The following PCMT1 variants were observed in gnomAD, a reference collection of about 807,000 sequenced individuals.
The protein encoded by PCMT1 is protein-L-isoaspartate (D-aspartate) O-methyltransferase, also known as protein-L-isoaspartate(D-aspartate) O-methyltransferase.
PCMT1 carries 9 observed loss-of-function variants against 29.2 expected under a neutral mutation model. The ratio of observed to expected loss-of-function variants is 0.31; its 90% confidence interval spans 0.19 to 0.54. PCMT1 has a LOEUF of 0.54. Among genes scored for constraint, PCMT1 ranks in the 20% least tolerant of loss-of-function variants. PCMT1 has a pLI of 0.95. For synonymous variants in PCMT1, 98 were observed against 97.5 expected, an observed-to-expected ratio of 1.00 and a Z score of -0.03; for missense variants, 184 against 282.2, an observed-to-expected ratio of 0.65 and a Z score of 2.49.
chr6:149,794,117 T>C (rs1356827258), intron 5 of PCMT1, among the ~76,000 whole-genome samples: 2 of 152,210 alleles, frequency 1.3e-5, no homozygotes, highest in African/African-American at 4.8e-5. Flanking sequence ...TTTTCAGTGC[T>C]TTCTGTGTCC....
intron 1 of PCMT1, among the ~76,000 whole-genome samples, chr6:149,751,620 T>A (rs1380312026): frequency 6.6e-6 from 1 of 151,550 alleles, no homozygotes; most frequent in Non-Finnish European, 1.5e-5. Context: ...TGGCTGGGAC[T>A]ACAGGCGCCT....
At chr6:149,808,873 T>C (rs935488754) in intron 7 of PCMT1, among the ~76,000 whole-genome samples, 4 of 151,742 alleles carry the variant, frequency 2.6e-5, no homozygotes, top group African/African-American at 7.3e-5. Flanking sequence ...CCTGACCTCA[T>C]GATCCGCCCG....
intron 1 of PCMT1, among the ~76,000 whole-genome samples, chr6:149,766,446 T>C (rs180915547): frequency 2.0e-5 from 3 of 152,204 alleles, no homozygotes; most frequent in Non-Finnish European, 4.4e-5. Context: ...ATTCACCAGT[T>C]GTAAGAATAC....
At chr6:149,764,701 C>G (rs763020607) in intron 1 of PCMT1, among the ~76,000 whole-genome samples, 43 of 152,102 alleles carry the variant, frequency 2.8e-4, no homozygotes, top group Admixed American at 1.5e-3. Flanking sequence ...GATGGTGCCA[C>G]TGCACTCCAG....
intron 2 of PCMT1, 129 bp downstream of exon 2, chr6:149,771,395 A>T: frequency 1.9e-6 from 1 of 521,216 alleles, no homozygotes; most frequent in South Asian, 3.4e-5. Context: ...ATGACTCAGC[A>T]AGTTTCATAA....
At position 149,762,655 on chromosome 6, in the gene PCMT1, G is replaced by GAT. The variant is rs1341811077; in HGVS notation, c.56-8498_56-8497dup. 9.1e-4 allele frequency among the ~76,000 whole-genome samples: 4 copies of GAT among 4,378 alleles called. 1 individual carries two copies. Among genetic ancestry groups the GAT allele is most frequent in the Non-Finnish European group, 1.2e-3 (4 of 3,458 alleles). The allele number at this position is 4,378 out of a possible 152,430, so 2.9% of individuals were successfully genotyped here. ...ATATATATATCTATGATATATATAT[G>GAT]ATATATATATCTATGATATATATAT... is the stretch of plus-strand genomic sequence containing the variant. On this transcript the variant is annotated intron_variant, in intron 1 of 7. Coordinates refer to ENST00000464889, the MANE Select transcript of PCMT1 (RefSeq NM_001360452.2).
At chr6:149,789,538 A>G (rs1011846153) in intron 3 of PCMT1, among the ~76,000 whole-genome samples, 7 of 152,144 alleles carry the variant, frequency 4.6e-5, no homozygotes, top group Non-Finnish European at 1.0e-4. Flanking sequence ...AAAATACAAA[A>G]TTAGCCTTTG....
intron 7 of PCMT1, among the ~76,000 whole-genome samples, chr6:149,805,580 C>T (rs762800747): frequency 1.7e-4 from 26 of 151,450 alleles, no homozygotes; most frequent in Admixed American, 4.6e-4. Context: ...GGCAACAGAG[C>T]GAGACTCCGT....
At chr6:149,808,013 A>C (rs1158320006) in intron 7 of PCMT1, among the ~76,000 whole-genome samples, 1 of 152,196 alleles carries the variant, frequency 6.6e-6, no homozygotes, top group Non-Finnish European at 1.5e-5. Context: ...GCTTCGTACA[A>C]AGCAAATTGT....
intron 7 of PCMT1, among the ~76,000 whole-genome samples, chr6:149,804,763 A>G (rs1430294759): frequency 6.6e-6 from 1 of 151,902 alleles, no homozygotes; most frequent in Non-Finnish European, 1.5e-5. Context: ...CGGCCTCCCA[A>G]AGTGCTAGGA....
chr6:149,806,163 G>A (rs1776008827), intron 7 of PCMT1, among the ~76,000 whole-genome samples: 1 of 152,116 alleles, frequency 6.6e-6, no homozygotes, highest in African/African-American at 2.4e-5. Context: ...ACTGTACTAG[G>A]TGCCAGGAGT....
intron 3 of PCMT1, among the ~76,000 whole-genome samples, chr6:149,788,144 C>T (rs761298254): frequency 4.6e-5 from 7 of 152,088 alleles, no homozygotes; most frequent in Non-Finnish European, 1.0e-4. Context: ...GTCTCGATCT[C>T]CTGACCTCGT....
chr6:149,790,025 A>G lies in PCMT1; in HGVS notation c.264A>G (p.Gly88=). 1 of 1,611,642 alleles carries G rather than the reference A, an allele frequency of 6.2e-7. No homozygotes were observed. The highest frequency in any genetic ancestry group is 8.5e-7 in the Non-Finnish European group (1 of 1,178,606). ...EGAKALDVGS[G]SGILTACFAR... ...CTAAAGCTCTTGATGTAGGATCTGG[A>G]AGTGGAATCCTTACTGCATGTTTTG... is the stretch of plus-strand genomic sequence containing the variant. Residue 88 remains glycine (G), a synonymous_variant, in exon 4 of 8, where the codon GGA becomes GGG. Coordinates refer to ENST00000464889, the MANE Select transcript of PCMT1 (RefSeq NM_001360452.2).
rs867088246 is a variant in PCMT1 at position 149,783,370 on chromosome 6, A to G, written c.193-6584A>G. On this transcript the variant is annotated intron_variant, in intron 3 of 7. Transcript: ENST00000464889. ...CTGGTCTCGAACTCTTGACCTCGTG[A>G]TCTGCCCACCTCAGCCTCCCAAAGT... 2.0e-5 allele frequency among the ~76,000 whole-genome samples: 3 copies of G among 152,220 alleles called. 1 individual carries two copies. The South Asian group carries it at 6.2e-4, about 32-fold the overall frequency.
intron 1 of PCMT1, among the ~76,000 whole-genome samples, 188 bp from the exon 2 acceptor site, chr6:149,770,973 TG>T (rs1208983278): frequency 6.6e-6 from 1 of 151,686 alleles, no homozygotes; most frequent in Non-Finnish European, 1.5e-5. Context: ...CACTCCAGCC[TG>T]GGCGACAGAG....
intron 3 of PCMT1, among the ~76,000 whole-genome samples, chr6:149,781,887 A>T (rs1562411361): frequency 6.6e-6 from 1 of 152,094 alleles, no homozygotes; most frequent in Non-Finnish European, 1.5e-5. Context: ...TTCAATAACA[A>T]TTTCCCACTT....
chr6:149,755,252 A>G (rs773842271), intron 1 of PCMT1, among the ~76,000 whole-genome samples: 8 of 152,126 alleles, frequency 5.3e-5, no homozygotes, highest in Admixed American at 1.3e-4. Context: ...CATTTTCTCT[A>G]CAAAAAATAA....
chr6:149,773,908 G>A (rs1320342463), intron 3 of PCMT1, among the ~76,000 whole-genome samples: 1 of 152,200 alleles, frequency 6.6e-6, no homozygotes, highest in Non-Finnish European at 1.5e-5. Context: ...GAGCCATTAA[G>A]CTGCATAGCT....
At chr6:149,792,240 G>A (rs936251088) in intron 4 of PCMT1, among the ~76,000 whole-genome samples, 12 of 151,962 alleles carry the variant, frequency 7.9e-5, no homozygotes, top group African/African-American at 2.4e-4. Context: ...GCTTGAGCCC[G>A]GGAGACAGAG....
Sources: allele counts gnomAD v4.1 joint callset (sites outside exome capture counted in the v4.1 genomes callset), GRCh38; gene constraint gnomAD v4.1.1; transcripts MANE v1.5; gene names NCBI Gene and HGNC (gene_info 2026-07-23, HGNC 2026-07-21).